Variants in LINGO2 observed in about 807,000 individuals in gnomAD.
LINGO2 encodes leucine-rich repeat and immunoglobulin-like domain-containing nogo receptor-interacting protein 2.
A neutral mutation model predicts 30.6 loss-of-function variants in LINGO2; 14 were observed. That is an observed-to-expected ratio of 0.46 (90% CI 0.30 to 0.72). The LOEUF (loss-of-function observed/expected upper bound fraction) is 0.72, where lower values mean the gene tolerates loss of function less well. Ranked by LOEUF, LINGO2 falls within the 30% of genes least tolerant of loss-of-function variation. The probability of loss-of-function intolerance (pLI) is 0.07; values close to 1 mark genes in which losing one functional copy is unlikely to be tolerated. For missense variants in LINGO2, 729 were observed against 751.7 expected, an observed-to-expected ratio of 0.97 and a Z score of 0.35; for synonymous variants, 317 against 288.5, an observed-to-expected ratio of 1.10 and a Z score of -1.00.
chr9:29,210,860 A>G, the LINGO2 span, among the ~76,000 whole-genome samples: 1 of 152,334 alleles, frequency 6.6e-6, no homozygotes, highest in Admixed American at 6.5e-5. Flanking sequence ...AACAGGAAGT[A>G]CATTTTTTTT....
intron 1 of LINGO2, among the ~76,000 whole-genome samples, chr9:28,569,589 T>A (rs937310126): frequency 7.6e-6 from 1 of 130,754 alleles, no homozygotes; most frequent in African/African-American, 2.8e-5. Context: ...GTCAAAATCA[T>A]AGAAACAGAG....
At chr9:29,112,614 C>G in the LINGO2 span, among the ~76,000 whole-genome samples, 2 of 152,290 alleles carry the variant, frequency 1.3e-5, no homozygotes, top group African/African-American at 4.8e-5. Context: ...ACTGCAAACT[C>G]TTGGCACATT....
chr9:28,719,774 T>C, the LINGO2 span, among the ~76,000 whole-genome samples: 10 of 152,168 alleles, frequency 6.6e-5, no homozygotes, highest in African/African-American at 2.2e-4. Context: ...CCATAGCTTT[T>C]ATTGCTTATT....
the LINGO2 span, among the ~76,000 whole-genome samples, chr9:29,076,216 C>T: frequency 6.6e-6 from 1 of 151,894 alleles, no homozygotes; most frequent in Admixed American, 6.6e-5. Context: ...TGGGAAGACA[C>T]TTGACTAAGT....
At chr9:28,455,209 A>C (rs1824800450) in intron 2 of LINGO2, among the ~76,000 whole-genome samples, 1 of 152,044 alleles carries the variant, frequency 6.6e-6, no homozygotes, top group Admixed American at 6.6e-5. Flanking sequence ...GGGACAAAAG[A>C]CATTAACATT....
At chr9:29,194,926 T>C in the LINGO2 span, among the ~76,000 whole-genome samples, 1 of 152,216 alleles carries the variant, frequency 6.6e-6, no homozygotes, top group Non-Finnish European at 1.5e-5. Context: ...TATACACCTT[T>C]ATATCATGAG....
At chr9:29,076,071 C>T in the LINGO2 span, among the ~76,000 whole-genome samples, 1 of 151,414 alleles carries the variant, frequency 6.6e-6, no homozygotes, top group African/African-American at 2.4e-5. Flanking sequence ...TAGAGATAGG[C>T]TTGGCTATGT....
the LINGO2 span, among the ~76,000 whole-genome samples, chr9:28,788,496 G>GCGAA: frequency 8.9e-4 from 135 of 152,266 alleles, no homozygotes; most frequent in South Asian, 3.5e-3. Context: ...GTATTTGAGA[G>GCGAA]CGAACCACAC....
chr9:28,739,424 G>T, the LINGO2 span, among the ~76,000 whole-genome samples: 1 of 151,840 alleles, frequency 6.6e-6, no homozygotes, highest in Non-Finnish European at 1.5e-5. Context: ...TAAAACGAGA[G>T]TTTTGTAACA....
At chr9:27,942,693 T>G in the LINGO2 span, 1 of 152,248 alleles carries the variant, frequency 6.6e-6, no homozygotes, top group African/African-American at 2.4e-5. Context: ...ATAAAAGACA[T>G]TAAAGGAAAA....
At chr9:28,155,670 A>C (rs895746690) in intron 4 of LINGO2, among the ~76,000 whole-genome samples, 1 of 152,216 alleles carries the variant, frequency 6.6e-6, no homozygotes, top group Admixed American at 6.5e-5. Context: ...TTGGTGTAAG[A>C]CTAATGCTAT....
chr9:28,012,319 C>A (rs181666928), intron 5 of LINGO2: 1 of 151,666 alleles, frequency 6.6e-6, no homozygotes. Context: ...TCCCCACTTG[C>A]GAGAGAATGG....
At chr9:28,458,224 G>A (rs1824931362) in intron 2 of LINGO2, among the ~76,000 whole-genome samples, 1 of 152,110 alleles carries the variant, frequency 6.6e-6, no homozygotes, top group Non-Finnish European at 1.5e-5. Flanking sequence ...TTCTCTGAAT[G>A]TTTTTAAAAT....
At chr9:28,187,351 A>G (rs1041436643) in intron 4 of LINGO2, among the ~76,000 whole-genome samples, 2 of 151,974 alleles carry the variant, frequency 1.3e-5, no homozygotes, top group African/African-American at 4.8e-5. Flanking sequence ...TCACCTGAGC[A>G]TGGTCGCAAG....
the LINGO2 span, among the ~76,000 whole-genome samples, chr9:29,057,290 A>T: frequency 1.1e-4 from 16 of 152,136 alleles, no homozygotes; most frequent in African/African-American, 3.9e-4. Context: ...TCTAATTTTG[A>T]TAATGTAATT....
At chr9:28,592,399 G>A (rs904506905) in intron 1 of LINGO2, among the ~76,000 whole-genome samples, 1 of 152,058 alleles carries the variant, frequency 6.6e-6, no homozygotes, top group African/African-American at 2.4e-5. Flanking sequence ...AAACCCCAGA[G>A]TTGATTCAGA....
intron 2 of LINGO2, among the ~76,000 whole-genome samples, chr9:28,379,463 G>C (rs1821257265): frequency 6.6e-6 from 1 of 151,976 alleles, no homozygotes; most frequent in Admixed American, 6.6e-5. Context: ...TGCTCCAATT[G>C]GTTATCTATC....
At chr9:28,868,768 T>C in the LINGO2 span, among the ~76,000 whole-genome samples, 2 of 152,120 alleles carry the variant, frequency 1.3e-5, no homozygotes, top group Non-Finnish European at 2.9e-5. Context: ...TTGGTTCCTG[T>C]GGGTTGAGTT....
the LINGO2 span, among the ~76,000 whole-genome samples, chr9:29,007,847 T>C: frequency 6.6e-6 from 1 of 152,098 alleles, no homozygotes; most frequent in Admixed American, 6.6e-5. Flanking sequence ...CTACAATTTC[T>C]TAAGAGTTAA....
Sources: gnomAD v4.1 joint callset for allele counts (sites outside exome capture counted in the v4.1 genomes callset) on GRCh38, gnomAD v4.1.1 for gene constraint, MANE v1.5 for transcripts, NCBI Gene and HGNC (gene_info 2026-07-23, HGNC 2026-07-21) for gene names.